The following PANK1 variants were observed in gnomAD, a reference collection of about 807,000 sequenced individuals.
PANK1 encodes the protein pantothenic acid kinase 1.
PANK1 carries 18 observed loss-of-function variants against 40.1 expected under a neutral mutation model. That is an observed-to-expected ratio of 0.45 (90% CI 0.31 to 0.67). The LOEUF is 0.67. PANK1 is among the 30% of genes least tolerant of loss of function. The pLI, the probability that PANK1 is intolerant of heterozygous loss-of-function variation, is 0.06. For synonymous variants in PANK1, 242 were observed against 237.7 expected (o/e 1.02, Z -0.17); for missense variants, 457 against 599.6 (o/e 0.76, Z 2.48).
chr10:89,588,817 A>G (rs1844281824), intron 5 of PANK1, 40 bp from the exon 6 acceptor site: 1 of 1,497,172 alleles, frequency 6.7e-7, no homozygotes, highest in Non-Finnish European at 9.0e-7. Flanking sequence ...ATCATGGCAT[A>G]AAAATAGCAT....
intron 2 of PANK1, among the ~76,000 whole-genome samples, chr10:89,604,902 C>A (rs1008833811): frequency 6.6e-6 from 1 of 151,562 alleles, no homozygotes; most frequent in Non-Finnish European, 1.5e-5. Flanking sequence ...AGGTGCCTGC[C>A]ACCACACCTG....
At chr10:89,634,639 G>A (rs3740033) in intron 1 of PANK1, among the ~76,000 whole-genome samples, 56,009 of 152,018 alleles carry the variant, frequency 0.37, 11,403 homozygotes, top group East Asian at 0.73. Context: ...TGGCTTTTAT[G>A]AAGGAAAAGT....
chr10:89,593,417 C>T, intron 4 of PANK1, 97 bp from the exon 5 acceptor site: 1 of 1,365,416 alleles, frequency 7.3e-7, no homozygotes, highest in Non-Finnish European at 1.0e-6. Context: ...AGTAACTGTT[C>T]AAACTCAAGT....
chr10:89,616,417 T>G (rs1845320164), intron 1 of PANK1, among the ~76,000 whole-genome samples: 2 of 152,222 alleles, frequency 1.3e-5, no homozygotes, highest in Admixed American at 6.5e-5. Context: ...TATGACAGAT[T>G]TATATGATAG....
At chr10:89,613,458 G>A (rs1845222461) in intron 1 of PANK1, among the ~76,000 whole-genome samples, 2 of 152,290 alleles carry the variant, frequency 1.3e-5, no homozygotes, top group Middle Eastern at 6.8e-3. Context: ...TGAGGGAGGA[G>A]TGCCTAGCAG....
At position 89,644,603 on chromosome 10, in the gene PANK1, G is replaced by T; in HGVS notation, c.289C>A (p.Pro97Thr). The T allele has an allele frequency of 5.7e-6, 9 of 1,589,314 alleles. No homozygotes were observed. The highest frequency in any genetic ancestry group is 7.7e-6 in the Non-Finnish European group (9 of 1,172,818). The change falls in exon 1 of 7, where the codon CCG (proline) becomes ACG (threonine). Residue 97 changes from proline to threonine, a missense_variant. Around this residue, in one of 4 missense-constraint regions of PANK1, gnomAD observed 286 missense variants for 415.8 expected, o/e 0.69. Transcript: ENST00000307534. ...RRMDSGRKNR[P>T]PFPWFGMDIG... ...CTCCCCTCCCAGCGGGACTTACGCGGCCTGTTCTTTCTCCCCGAGTCCATC... is the reference window on the plus strand; with the variant it reads ...CTCCCCTCCCAGCGGGACTTACGCGTCCTGTTCTTTCTCCCCGAGTCCATC...
intron 1 of PANK1, among the ~76,000 whole-genome samples, chr10:89,624,172 C>A (rs1014110542): frequency 6.6e-6 from 1 of 152,140 alleles, no homozygotes; most frequent in Admixed American, 6.5e-5. Flanking sequence ...GTATTATCAC[C>A]GGAGTCACAT....
intron 1 of PANK1, among the ~76,000 whole-genome samples, chr10:89,624,079 A>T (rs1845589314): frequency 6.6e-6 from 1 of 152,228 alleles, no homozygotes; most frequent in African/African-American, 2.4e-5. Flanking sequence ...TCTCGCCCAG[A>T]CACGGGCTGA....
intron 1 of PANK1, among the ~76,000 whole-genome samples, chr10:89,623,389 T>G (rs1465446756): frequency 6.6e-6 from 1 of 151,054 alleles, no homozygotes; most frequent in Admixed American, 6.6e-5. Flanking sequence ...GCCTGGCTAA[T>G]TTTTTTTTGT....
Position 89,599,010 on chromosome 10 carries a change from G to C in PANK1, c.899+242C>G, listed in dbSNP as rs868783548. Among the ~76,000 whole-genome samples the C allele has an allele frequency of 8.5e-5, 13 of 152,192 alleles. No individual in the cohort carries two copies. In the South Asian group the frequency reaches 1.0e-3, roughly 12 times the overall value. ...ATGCCTCCTTCTTGGCAAATTTCTG[G>C]TGTGTGCGATCCTTCTTCCCTCAAC... is the stretch of plus-strand genomic sequence containing the variant. On this transcript the variant is annotated intron_variant, in intron 3 of 6. Coordinates refer to ENST00000307534, the MANE Select transcript of PANK1 (RefSeq NM_148977.3).
Position 89,584,321 on chromosome 10 carries a change from C to T in PANK1, c.*85G>A, listed in dbSNP as rs371334466. On this transcript the variant is annotated 3_prime_UTR_variant, in exon 7 of 7. Transcript: ENST00000307534. ...TCATCTGCCATAATGGCTTGGCTTC[C>T]GTCCCAAAGCGACTTTCACCTTCTC... 9 of 827,250 alleles carry T rather than the reference C, an allele frequency of 1.1e-5. No individual in the cohort carries two copies. The highest frequency in any genetic ancestry group is 3.4e-5 in the African/African-American group (2 of 59,274). The allele number at this position is 827,250 out of a possible 1,614,324, so 51.2% of individuals were successfully genotyped here.
chr10:89,621,729 A>G (rs11185811), intron 1 of PANK1, among the ~76,000 whole-genome samples: 22,971 of 151,904 alleles, frequency 0.15, 2,150 homozygotes, highest in East Asian at 0.45. Flanking sequence ...TTTTACTTTT[A>G]GGGGGATGGA....
chr10:89,614,100 T>C (rs2133967727), intron 1 of PANK1: 1 of 448,628 alleles, frequency 2.2e-6, no homozygotes, highest in Non-Finnish European at 4.5e-6. Flanking sequence ...AGTGGAGTTT[T>C]AAACTCCCTG....
intron 1 of PANK1, among the ~76,000 whole-genome samples, chr10:89,634,767 T>C (rs1841753656): frequency 6.6e-6 from 1 of 152,206 alleles, no homozygotes; most frequent in Non-Finnish European, 1.5e-5. Context: ...AACCATGTCC[T>C]GACACAAGAT....
chr10:89,599,137 G>T, intron 3 of PANK1, 115 bp downstream of exon 3: 3 of 942,774 alleles, frequency 3.2e-6, no homozygotes, highest in Non-Finnish European at 4.8e-6. Context: ...TTTTTGGTTG[G>T]CCAAGGAGGC....
chr10:89,644,688 C>A lies in PANK1; in HGVS notation c.204G>T (p.Gln68His). 6.4e-7 allele frequency: 1 copy of A among 1,554,668 alleles called. No individual in the cohort carries two copies. Among genetic ancestry groups the A allele is most frequent in the Admixed American group, 1.8e-5 (1 of 55,596 alleles). Residue 68 changes from glutamine to histidine, a missense_variant, in exon 1 of 7, where the codon CAG becomes CAT. By Grantham distance (24) the Gln-to-His change is conservative (BLOSUM62 0). This residue lies in a region of PANK1 where 144 missense variants were observed against 131.2 expected (regional missense o/e 1.10). Coordinates refer to ENST00000307534, the MANE Select transcript of PANK1 (RefSeq NM_148977.3). Reference protein sequence around the residue: ...PQRLPLLPELQPQPLLPQHDS... With the variant: ...PQRLPLLPELHPQPLLPQHDS... ...CATGCTGAGGGAGCAGTGGCTGCGGCTGCAGCTCCGGCAGGAGCGGGAGGC... is the reference window on the plus strand; with the variant it reads ...CATGCTGAGGGAGCAGTGGCTGCGGATGCAGCTCCGGCAGGAGCGGGAGGC...
chr10:89,622,792 G>A (rs1235972909), intron 1 of PANK1, among the ~76,000 whole-genome samples: 8 of 151,320 alleles, frequency 5.3e-5, no homozygotes, highest in Non-Finnish European at 2.9e-5. Flanking sequence ...AGCTGAGGTC[G>A]TGCCACTGCA....
intron 1 of PANK1, among the ~76,000 whole-genome samples, chr10:89,623,334 G>A (rs1396740252): frequency 6.6e-6 from 1 of 152,136 alleles, no homozygotes; most frequent in Non-Finnish European, 1.5e-5. Flanking sequence ...CCATTCTCCT[G>A]CCTTAGCCTC....
At chr10:89,591,323 C>T (rs538793673) in intron 5 of PANK1, among the ~76,000 whole-genome samples, 4 of 152,220 alleles carry the variant, frequency 2.6e-5, no homozygotes, top group Admixed American at 6.5e-5. Flanking sequence ...TGACTCACTT[C>T]CTTGTGTATC....
Sources: gnomAD v4.1 joint callset for allele counts (sites outside exome capture counted in the v4.1 genomes callset) on GRCh38, gnomAD v4.1.1 for gene constraint, gnomAD v4.1.1 regional missense constraint, MANE v1.5 for transcripts, NCBI Gene and HGNC (gene_info 2026-07-23, HGNC 2026-07-21) for gene names.